RNF212B: variants seen among roughly 807,000 people sequenced by gnomAD.
RNF212B encodes E3 ubiquitin-protein ligase RNF212B.
In RNF212B, 52 loss-of-function variants were observed where a neutral mutation model predicts 55.5. The observed-to-expected ratio is 0.94, with a 90% CI of 0.75 to 1.18. RNF212B has a LOEUF of 1.18. Among genes scored for constraint, RNF212B ranks in the 50% most tolerant of loss-of-function variants. The probability of loss-of-function intolerance (pLI) is 0.00; values close to 1 mark genes in which losing one functional copy is unlikely to be tolerated. For missense variants in RNF212B, 289 were observed against 350.4 expected, an observed-to-expected ratio of 0.82 and a Z score of 1.40; for synonymous variants, 99 against 121.4, an observed-to-expected ratio of 0.82 and a Z score of 1.21.
upstream of RNF212B, among the ~76,000 whole-genome samples, chr14:23,235,172 A>G (rs1442682436): frequency 6.6e-6 from 1 of 151,858 alleles, no homozygotes; most frequent in Non-Finnish European, 1.5e-5. Flanking sequence ...AGATGGTGCC[A>G]CTGCGCTCCA....
intron 1 of RNF212B, among the ~76,000 whole-genome samples, chr14:23,238,318 G>A (rs990739331): frequency 2.6e-5 from 4 of 152,092 alleles, no homozygotes; most frequent in Non-Finnish European, 5.9e-5. Flanking sequence ...CGAACAAATA[G>A]GACAACGAAG....
intron 4 of RNF212B, among the ~76,000 whole-genome samples, chr14:23,254,442 G>A (rs1190464012): frequency 6.6e-6 from 1 of 152,060 alleles, no homozygotes; most frequent in East Asian, 1.9e-4. Flanking sequence ...CAACATAGCA[G>A]GACCCCATCT....
At chr14:23,215,837 TCTC>T (rs1276539060) in intron 2 of RNF212B, among the ~76,000 whole-genome samples, 1 of 152,210 alleles carries the variant, frequency 6.6e-6, no homozygotes, top group African/African-American at 2.4e-5. Context: ...TGACTATCCT[TCTC>T]CTAGTCCTTA....
chr14:23,211,247 T>C (rs74808752), intron 2 of RNF212B, among the ~76,000 whole-genome samples: 5,854 of 150,586 alleles, frequency 0.039, 391 homozygotes, highest in African/African-American at 0.13. Flanking sequence ...AAGCAACAAA[T>C]TGAACAACTT....
intron 14 of RNF212B, among the ~76,000 whole-genome samples, chr14:23,270,883 T>G (rs1289461352): frequency 6.6e-6 from 1 of 152,136 alleles, no homozygotes; most frequent in Non-Finnish European, 1.5e-5. Context: ...GGTCACATGG[T>G]AGTGGGAGGC....
chr14:23,195,897 G>A (rs1332129516), intron 2 of RNF212B, among the ~76,000 whole-genome samples: 2 of 152,164 alleles, frequency 1.3e-5, no homozygotes, highest in Non-Finnish European at 2.9e-5. Context: ...GACTTGCCAA[G>A]GACACACACA....
intron 10 of RNF212B, 69 bp downstream of exon 10, chr14:23,264,303 A>G: frequency 7.8e-7 from 1 of 1,284,926 alleles, no homozygotes; most frequent in South Asian, 1.3e-5. Context: ...AGGTTTATCA[A>G]GAACTTAAAT....
At chr14:23,199,937 A>G (rs1446131941) in intron 2 of RNF212B, among the ~76,000 whole-genome samples, 13 of 152,136 alleles carry the variant, frequency 8.5e-5, no homozygotes, top group Admixed American at 8.5e-4. Flanking sequence ...AAAAAAGAAA[A>G]AGTTGAAAAC....
At chr14:23,256,860 T>A (rs868053281) in intron 4 of RNF212B, among the ~76,000 whole-genome samples, 2 of 152,140 alleles carry the variant, frequency 1.3e-5, no homozygotes, top group Non-Finnish European at 2.9e-5. Context: ...CTAAATTTTT[T>A]AAATTATTTT....
upstream of RNF212B, among the ~76,000 whole-genome samples, chr14:23,236,442 G>A (rs919511055): frequency 7.9e-5 from 12 of 152,042 alleles, no homozygotes; most frequent in African/African-American, 2.9e-4. Flanking sequence ...TTGAACCCAG[G>A]AGGCGGAGGT....
At chr14:23,243,193 T>C (rs1233068367) in intron 2 of RNF212B, 63 bp from the exon 3 acceptor site, 2 of 1,247,572 alleles carry the variant, frequency 1.6e-6, no homozygotes, top group Admixed American at 4.0e-5. Context: ...CCATGTACTT[T>C]AAGTCTTTAA....
Position 23,221,316 on chromosome 14 carries a change from A to G in RNF212B, c.-1-19029A>G, listed in dbSNP as rs150460838. Among the ~76,000 whole-genome samples the G allele has an allele frequency of 1.8e-3, 280 of 152,326 alleles. 5 individuals are homozygous for G. The East Asian group carries it at 0.023, about 13-fold the overall frequency. On this transcript the variant is annotated intron_variant, in intron 2 of 15. Coordinates refer to the RNF212B transcript ENST00000399910. ...GGATGTAAAAAGATGTGCCATGACA[A>G]TGGAAACCAAAAAAGAGCAAGAATA... is the stretch of plus-strand genomic sequence containing the variant.
intron 1 of RNF212B, among the ~76,000 whole-genome samples, chr14:23,188,994 G>T (rs1163324747): frequency 6.6e-6 from 1 of 152,158 alleles, no homozygotes; most frequent in Non-Finnish European, 1.5e-5. Context: ...TGTAGCTGTT[G>T]GTGCCTGTAC....
chr14:23,186,584 G>A (rs1879284334), intron 1 of RNF212B, among the ~76,000 whole-genome samples: 1 of 152,118 alleles, frequency 6.6e-6, no homozygotes, highest in African/African-American at 2.4e-5. Context: ...TCCTAACCTT[G>A]TGATCCACCC....
chr14:23,227,161 C>T (rs750972159), intron 2 of RNF212B, among the ~76,000 whole-genome samples: 1 of 151,772 alleles, frequency 6.6e-6, no homozygotes, highest in Non-Finnish European at 1.5e-5. Context: ...GTATATGGAA[C>T]CTTTCTACAC....
chr14:23,232,642 TG>T (rs1254036092), intron 2 of RNF212B, among the ~76,000 whole-genome samples: 1 of 142,548 alleles, frequency 7.0e-6, no homozygotes, highest in Non-Finnish European at 1.5e-5. Flanking sequence ...GGGAGGGAGT[TG>T]GGGGGTCAGC....
At chr14:23,227,223 A>ATT (rs142475427) in intron 2 of RNF212B, among the ~76,000 whole-genome samples, 7,519 of 150,360 alleles carry the variant, frequency 0.05, 197 homozygotes, top group South Asian at 0.083. Context: ...TATTATTATA[A>ATT]TTTTTTTTTT....
intron 2 of RNF212B, among the ~76,000 whole-genome samples, chr14:23,199,939 G>T (rs1879119503): frequency 2.6e-5 from 4 of 151,580 alleles, no homozygotes. Context: ...AAAAGAAAAA[G>T]TTGAAAACAT....
chr14:23,231,967 T>C (rs1435155477), intron 2 of RNF212B, among the ~76,000 whole-genome samples: 1 of 152,138 alleles, frequency 6.6e-6, no homozygotes, highest in African/African-American at 2.4e-5. Flanking sequence ...CAGGCTGGAG[T>C]GCAGTGGCGT....
Sources: gnomAD v4.1 joint callset for allele counts (sites outside exome capture counted in the v4.1 genomes callset) on GRCh38, gnomAD v4.1.1 for gene constraint, MANE v1.5 for transcripts, NCBI Gene and HGNC (gene_info 2026-07-23, HGNC 2026-07-21) for gene names.